The following CSGALNACT2 variants were observed in gnomAD, a reference collection of about 807,000 sequenced individuals.
The protein encoded by CSGALNACT2 is beta 4 GalNAcT-2.
A neutral mutation model predicts 55.3 loss-of-function variants in CSGALNACT2; 35 were observed. The ratio of observed to expected loss-of-function variants is 0.63; its 90% CI spans 0.48 to 0.84. CSGALNACT2 has a LOEUF of 0.84. CSGALNACT2 is among the 40% of genes least tolerant of loss of function. The pLI is 0.00. For missense variants in CSGALNACT2, 544 were observed against 657.5 expected, an observed-to-expected ratio of 0.83 and a Z score of 1.89; for synonymous variants, 196 against 224.9, an observed-to-expected ratio of 0.87 and a Z score of 1.15.
chr10:43,167,773 T>C (rs953365355), intron 6 of CSGALNACT2, among the ~76,000 whole-genome samples: 6 of 152,138 alleles, frequency 3.9e-5, no homozygotes, highest in Non-Finnish European at 5.9e-5. Flanking sequence ...ATGTCCTTTT[T>C]CTGTTTCAGA....
intron 7 of CSGALNACT2, among the ~76,000 whole-genome samples, chr10:43,178,420 A>C (rs1839524183): frequency 6.6e-6 from 1 of 152,184 alleles, no homozygotes; most frequent in Non-Finnish European, 1.5e-5. Flanking sequence ...CAGGAGATCA[A>C]GATCATCCTG....
chr10:43,159,607 T>C (rs1054781819), intron 3 of CSGALNACT2, among the ~76,000 whole-genome samples: 5 of 152,206 alleles, frequency 3.3e-5, no homozygotes, highest in African/African-American at 1.2e-4. Context: ...TGATTTGAGT[T>C]TTTTAATTGA....
rs1446755314 is a variant in CSGALNACT2, at chr10:43,158,794, T to C, written c.741T>C (p.His247=). ...FKKADLTEYR[H]VTLFRPFGPL... ...AAGCAGACCTTACGGAATATAGACATGTGACCCTCTTCCGCCCTTTTGGAC... is the reference window on the plus strand; with the variant it reads ...AAGCAGACCTTACGGAATATAGACACGTGACCCTCTTCCGCCCTTTTGGAC... The change falls in exon 3 of 8, where the codon CAT becomes CAC. Residue 247 remains histidine (H), a synonymous_variant. Coordinates refer to ENST00000374466, the MANE Select transcript of CSGALNACT2 (RefSeq NM_018590.5). The C allele has an allele frequency of 3.7e-6, 6 of 1,611,618 alleles. No homozygotes were observed. The highest frequency in any genetic ancestry group is 5.1e-6 in the Non-Finnish European group (6 of 1,178,020).
intron 4 of CSGALNACT2, chr10:43,162,424 T>C (rs1406102991): frequency 2.0e-6 from 2 of 985,246 alleles, no homozygotes; most frequent in East Asian, 2.3e-4. Flanking sequence ...GAAATTACTG[T>C]GGTTGGGGTG....
intron 7 of CSGALNACT2, among the ~76,000 whole-genome samples, chr10:43,178,761 T>C: frequency 6.6e-6 from 1 of 152,170 alleles, no homozygotes; most frequent in East Asian, 1.9e-4. Context: ...TTCTATGGGA[T>C]GTGGAACTCA....
At chr10:43,163,273 A>G in intron 4 of CSGALNACT2, 1 of 935,542 alleles carries the variant, frequency 1.1e-6, no homozygotes, top group South Asian at 4.9e-5. Flanking sequence ...TATTTATTGA[A>G]CTCCTACTCT....
In CSGALNACT2 at chr10:43,155,248, A is replaced by G. The variant is rs1838968112; in HGVS notation, c.99A>G (p.Glu33=). 1 of 1,614,142 alleles carries G rather than the reference A, an allele frequency of 6.2e-7. No homozygotes were observed. The highest frequency in any genetic ancestry group is 8.5e-7 in the Non-Finnish European group (1 of 1,180,020). The stretch of plus-strand genomic sequence containing the variant: ...TGGTATTATTTATGTACCTCCTGGA[A>G]TGTGCCCCCCAGACTGATGGAAATG... The part of the protein sequence containing the change: ...CSLVLFMYLL[E]CAPQTDGNAS... Residue 33 remains glutamate, a synonymous_variant, in exon 2 of 8, where the codon GAA becomes GAG. Transcript: ENST00000374466.
intron 6 of CSGALNACT2, among the ~76,000 whole-genome samples, chr10:43,173,605 A>T (rs1839422851): frequency 6.6e-6 from 1 of 152,238 alleles, no homozygotes; most frequent in Non-Finnish European, 1.5e-5. Context: ...AAGTTATAGT[A>T]CTTATATAAT....
intron 6 of CSGALNACT2, among the ~76,000 whole-genome samples, chr10:43,175,631 G>C (rs904658878): frequency 1.3e-5 from 2 of 152,140 alleles, no homozygotes; most frequent in Admixed American, 1.3e-4. Context: ...TACTGGGTAG[G>C]CACCAGATAA....
intron 7 of CSGALNACT2, among the ~76,000 whole-genome samples, chr10:43,178,393 C>T (rs760977305): frequency 6.6e-6 from 1 of 152,116 alleles, no homozygotes; most frequent in Non-Finnish European, 1.5e-5. Context: ...GAGGCCGAGG[C>T]GGGCAGATCA....
intron 6 of CSGALNACT2, among the ~76,000 whole-genome samples, chr10:43,175,168 G>T (rs1839454409): frequency 6.6e-6 from 1 of 152,182 alleles, no homozygotes; most frequent in South Asian, 2.1e-4. Context: ...ATACAGTTCT[G>T]CTGCAACTAC....
intron 1 of CSGALNACT2, among the ~76,000 whole-genome samples, chr10:43,140,364 C>T (rs1463422600): frequency 6.6e-6 from 1 of 151,956 alleles, no homozygotes; most frequent in Non-Finnish European, 1.5e-5. Context: ...AACATGGAGT[C>T]ATCTTTTTTT....
At chr10:43,142,586 C>T (rs1194654509) in intron 1 of CSGALNACT2, among the ~76,000 whole-genome samples, 1 of 152,114 alleles carries the variant, frequency 6.6e-6, no homozygotes, top group African/African-American at 2.4e-5. Flanking sequence ...TTTCAGTGTC[C>T]CTTGGAACAC....
At position 43,140,763 on chromosome 10, in the gene CSGALNACT2, T is replaced by C. The variant is rs372622329; in HGVS notation, c.-254+2196T>C. ...ACAAGCACTAGGTATAAGTGTAAAATTGAATTATAGGGCTAGTTACAAATG... is the reference window on the plus strand; with the variant it reads ...ACAAGCACTAGGTATAAGTGTAAAACTGAATTATAGGGCTAGTTACAAATG... On this transcript the variant is annotated intron_variant, in intron 1 of 7. Coordinates refer to ENST00000374466, the MANE Select transcript of CSGALNACT2 (RefSeq NM_018590.5). Among the ~76,000 whole-genome samples, 214 of 152,374 alleles carry C rather than the reference T, an allele frequency of 1.4e-3. 12 individuals are homozygous for C. In the South Asian group the frequency reaches 0.041, roughly 29 times the overall value.
At chr10:43,182,865 AC>A (rs1839615077) in intron 7 of CSGALNACT2, among the ~76,000 whole-genome samples, 1 of 137,232 alleles carries the variant, frequency 7.3e-6, no homozygotes, top group Non-Finnish European at 1.5e-5. Flanking sequence ...ACAGAGTGAG[AC>A]CCTGTCTCAA....
At position 43,144,841 on chromosome 10, in the gene CSGALNACT2, A is replaced by G. The variant is rs181262668; in HGVS notation, c.-254+6274A>G. On this transcript the variant is annotated intron_variant, in intron 1 of 7. Coordinates refer to ENST00000374466, the MANE Select transcript of CSGALNACT2 (RefSeq NM_018590.5). ...CCCACAGGCAATCATTGACTGATTT[A>G]CTTTCAGTTAACTACAAATTACCTT... Among the ~76,000 whole-genome samples, 10 of 152,282 alleles carry G rather than the reference A, an allele frequency of 6.6e-5. No individual in the cohort carries two copies. The East Asian group carries it at 1.9e-3, about 29-fold the overall frequency.
At chr10:43,163,249 A>G (rs1410899071) in intron 4 of CSGALNACT2, 2 of 976,560 alleles carry the variant, frequency 2.0e-6, no homozygotes. Flanking sequence ...CTGTTCATTC[A>G]TTCATTCAGC....
chr10:43,181,120 G>A (rs911549234), intron 7 of CSGALNACT2, among the ~76,000 whole-genome samples: 4 of 152,192 alleles, frequency 2.6e-5, no homozygotes, highest in African/African-American at 9.7e-5. Context: ...ACATGAGTAT[G>A]GGGGTCCCAA....
At position 43,163,867 on chromosome 10, in the gene CSGALNACT2, G is replaced by A. The variant is rs759168615; in HGVS notation, c.982G>A (p.Glu328Lys). 1.2e-6 allele frequency: 2 copies of A among 1,611,676 alleles called. No individual in the cohort carries two copies. Among genetic ancestry groups the A allele is most frequent in the Non-Finnish European group, 1.7e-6 (2 of 1,178,588 alleles). Residue 328 changes from glutamate to lysine, a missense_variant and splice_region_variant, in exon 5 of 8, where the codon GAG becomes AAG. Coordinates refer to ENST00000374466, the MANE Select transcript of CSGALNACT2 (RefSeq NM_018590.5). ...VKSILESVTS[E>K]SNFHNYTLVS... ...TTGTTGTGTGTGCTTTCCTCATAGTGAGTCTAATTTTCACAATTACACCTT... is the reference window on the plus strand; with the variant it reads ...TTGTTGTGTGTGCTTTCCTCATAGTAAGTCTAATTTTCACAATTACACCTT...
Sources: gnomAD v4.1 joint callset for allele counts (sites outside exome capture counted in the v4.1 genomes callset) on GRCh38, gnomAD v4.1.1 for gene constraint, MANE v1.5 for transcripts, NCBI Gene and HGNC (gene_info 2026-07-23, HGNC 2026-07-21) for gene names.